ATPAF2: variants seen among roughly 807,000 people sequenced by gnomAD.
ATPAF2 encodes the protein ATP synthase mitochondrial F1 complex assembly factor 2.
A neutral mutation model predicts 36.6 loss-of-function variants in ATPAF2; 30 were observed. The ratio of observed to expected loss-of-function variants is 0.82; its 90% CI spans 0.61 to 1.11. The LOEUF (loss-of-function observed/expected upper bound fraction) is 1.11. Among genes scored for constraint, ATPAF2 ranks in the 50% most tolerant of loss-of-function variants. ATPAF2 has a pLI of 0.00. For missense variants in ATPAF2, 321 were observed against 372.3 expected (o/e 0.86, Z 1.13); for synonymous variants, 140 against 152.6 (o/e 0.92, Z 0.61).
intron 1 of ATPAF2, among the ~76,000 whole-genome samples, chr17:18,038,308 GGAGGTGGAGGTGACTCCACAGTCA>G (rs1202848395): frequency 2.0e-5 from 3 of 152,236 alleles, no homozygotes; most frequent in African/African-American, 4.8e-5. Flanking sequence ...CATCAGAGTT[GGAGGTGGAGGTGACTCCACAGTCA>G]GAGGTGGAGG....
chr17:18,021,591 G>A, intron 6 of ATPAF2, 154 bp downstream of exon 6: 1 of 752,478 alleles, frequency 1.3e-6, no homozygotes, highest in Non-Finnish European at 2.4e-6. Flanking sequence ...TAGAGTGATT[G>A]GCTAGCATCA....
At chr17:18,038,240 C>A (rs2044733395) in intron 1 of ATPAF2, among the ~76,000 whole-genome samples, 1 of 152,202 alleles carries the variant, frequency 6.6e-6, no homozygotes, top group Admixed American at 6.5e-5. Flanking sequence ...GAGTCATTCT[C>A]ACTCTTACCC....
At chr17:18,016,641 C>G, downstream of ATPAF2, 1 of 1,613,496 alleles carries the variant, frequency 6.2e-7, no homozygotes. Flanking sequence ...GCGAACTGGA[C>G]AACCTGGAAT....
chr17:18,029,084 C>CCAGT, intron 1 of ATPAF2, among the ~76,000 whole-genome samples: 1 of 152,290 alleles, frequency 6.6e-6, no homozygotes, highest in African/African-American at 2.4e-5. Context: ...GAGTGGAAAG[C>CCAGT]CAGTGTGCGT....
At chr17:18,021,935 G>A (rs2044475828) in intron 5 of ATPAF2, 78 bp from the exon 6 acceptor site, 1 of 1,267,210 alleles carries the variant, frequency 7.9e-7, no homozygotes, top group East Asian at 2.3e-5. Flanking sequence ...AGAAACAAAG[G>A]CCTAAGCTTC....
Position 18,024,545 on chromosome 17 carries a change from C to T in ATPAF2, c.503+79G>A, listed in dbSNP as rs2044516408. ...CTGACTAGCTAAGGGCACTAGTTTT[C>T]CAGCGTGACCCCCTGACCCCTACAC... On this transcript the variant is annotated intron_variant, in intron 5 of 7. Coordinates refer to ENST00000474627, the MANE Select transcript of ATPAF2 (RefSeq NM_145691.4). 10 of 1,244,600 alleles carry T rather than the reference C, an allele frequency of 8.0e-6. No homozygotes were observed. In the East Asian group the frequency reaches 2.3e-4, roughly 29 times the overall value. 77.1% of individuals were successfully genotyped at this position (1,244,600 alleles called of 1,614,324 possible).
rs968149971 is a variant in ATPAF2, at chr17:18,021,876, C to T, written c.504-19G>A. The T allele has an allele frequency of 1.7e-5, 28 of 1,605,318 alleles. No individual in the cohort carries two copies. Among genetic ancestry groups the T allele is most frequent in the East Asian group, 6.7e-5 (3 of 44,854 alleles). The stretch of plus-strand genomic sequence containing the variant: ...GCCGTATCTGAAAGGAAAAGGGCTT[C>T]GGCATGTCTCTGTCATGCTGTAGCC... On this transcript the variant is annotated intron_variant, in intron 5 of 7. Coordinates refer to ENST00000474627, the MANE Select transcript of ATPAF2 (RefSeq NM_145691.4).
At chr17:18,022,274 A>G (rs1421764621) in intron 5 of ATPAF2, among the ~76,000 whole-genome samples, 1 of 152,210 alleles carries the variant, frequency 6.6e-6, no homozygotes, top group African/African-American at 2.4e-5. Context: ...TTTATGTCAT[A>G]TATCATGGAG....
intron 7 of ATPAF2, 36 bp from the exon 8 acceptor site, chr17:18,018,722 G>C (rs1406420407): frequency 5.0e-6 from 8 of 1,613,508 alleles, no homozygotes; most frequent in Non-Finnish European, 6.8e-6. Context: ...TGGGTGAGTG[G>C]CCAGTGCCTG....
Position 18,021,764 on chromosome 17 carries a change from G to T in ATPAF2, c.597C>A (p.Tyr199Ter). ...REVLVSHLAS[Y>*]NTWALQGIEF... Reference sequence around the variant, plus strand: ...ACATGCCTTGTAAAGCCCATGTGTTGTAAGATGCCAGGTGGCTGACGAGCA... The same window carrying T: ...ACATGCCTTGTAAAGCCCATGTGTTTTAAGATGCCAGGTGGCTGACGAGCA... Residue 199 changes from tyrosine (Y) to a stop codon, truncating the protein, a stop_gained, in exon 6 of 8, where the codon TAC becomes TAA. Coordinates refer to ENST00000474627, the MANE Select transcript of ATPAF2 (RefSeq NM_145691.4). LOFTEE classifies it high-confidence loss of function. 6.2e-7 allele frequency: 1 copy of T among 1,614,078 alleles called. No individual in the cohort carries two copies. The highest frequency in any genetic ancestry group is 8.5e-7 in the Non-Finnish European group (1 of 1,179,996).
chr17:18,032,097 G>A (rs951738778), intron 1 of ATPAF2, among the ~76,000 whole-genome samples: 6 of 152,216 alleles, frequency 3.9e-5, no homozygotes, highest in African/African-American at 1.2e-4. Context: ...CAGGAAGTTG[G>A]GAAGGGCTCT....
chr17:18,030,027 A>C (rs1367207230), intron 1 of ATPAF2, among the ~76,000 whole-genome samples: 1 of 152,040 alleles, frequency 6.6e-6, no homozygotes, highest in Admixed American at 6.6e-5. Flanking sequence ...TCTACAAAAA[A>C]TACAAAAATG....
chr17:18,024,848 G>A lies in ATPAF2; in HGVS notation c.423-144C>T, dbSNP rs191237853. 17 of 723,444 alleles carry A rather than the reference G, an allele frequency of 2.3e-5. No homozygotes were observed. The Admixed American group carries it at 3.5e-4, about 15-fold the overall frequency. The allele number at this position is 723,444 out of a possible 1,614,324, so 44.8% of individuals were successfully genotyped here. On this transcript the variant is annotated intron_variant, in intron 4 of 7. Coordinates refer to ENST00000474627, the MANE Select transcript of ATPAF2 (RefSeq NM_145691.4). Reference sequence around the variant, plus strand: ...ACAAGTCTTTTCCCCTAAAGCAGTGGTTCTCAAAGTGTGGCCCTGGCACCA... The same window carrying A: ...ACAAGTCTTTTCCCCTAAAGCAGTGATTCTCAAAGTGTGGCCCTGGCACCA...
intron 1 of ATPAF2, among the ~76,000 whole-genome samples, chr17:18,037,037 T>C (rs2044712733): frequency 6.6e-6 from 1 of 151,576 alleles, no homozygotes; most frequent in Admixed American, 6.6e-5. Context: ...CACCATTGCA[T>C]GCCAGCCTGG....
chr17:18,023,209 T>C (rs2044496761), intron 5 of ATPAF2, among the ~76,000 whole-genome samples: 2 of 148,750 alleles, frequency 1.3e-5, no homozygotes, highest in African/African-American at 5.0e-5. Context: ...AGGTGGGCAA[T>C]CACTTGAGGT....
chr17:18,023,641 T>C (rs944334120), intron 5 of ATPAF2, among the ~76,000 whole-genome samples: 10 of 152,206 alleles, frequency 6.6e-5, no homozygotes, highest in Middle Eastern at 3.2e-3. Flanking sequence ...CATTCCCACA[T>C]AGTATTGTAG....
intron 3 of ATPAF2, among the ~76,000 whole-genome samples, chr17:18,027,214 G>A (rs1453658130): frequency 2.0e-5 from 3 of 147,306 alleles, no homozygotes; most frequent in Non-Finnish European, 3.0e-5. Context: ...GAGTTAGACT[G>A]TTTAAAAAAA....
At chr17:18,019,608 G>A (rs1277931298) in intron 7 of ATPAF2, among the ~76,000 whole-genome samples, 4 of 152,242 alleles carry the variant, frequency 2.6e-5, no homozygotes, top group African/African-American at 7.2e-5. Flanking sequence ...AGGGAGGAAC[G>A]CTCAGACACA....
chr17:18,035,874 T>A (rs942915545), intron 1 of ATPAF2, among the ~76,000 whole-genome samples: 1 of 152,358 alleles, frequency 6.6e-6, no homozygotes, highest in East Asian at 1.9e-4. Context: ...CTAAACATCT[T>A]GTCTTGGTGA....
Sources: gnomAD v4.1 joint callset for allele counts (sites outside exome capture counted in the v4.1 genomes callset) on GRCh38, gnomAD v4.1.1 for gene constraint, MANE v1.5 for transcripts, NCBI Gene and HGNC (gene_info 2026-07-23, HGNC 2026-07-21) for gene names.